SORCS2: variants seen among roughly 807,000 people sequenced by gnomAD.
The protein encoded by SORCS2 is sortilin related VPS10 domain containing receptor 2.
SORCS2 carries 100 observed loss-of-function variants against 141.6 expected under a neutral mutation model. That is an observed-to-expected ratio of 0.71 (90% confidence interval 0.60 to 0.83). The LOEUF is 0.83. SORCS2 is among the 40% of genes least tolerant of loss of function. The pLI is 0.00. For synonymous variants in SORCS2, 789 were observed against 676.9 expected (o/e 1.17, Z -2.57); for missense variants, 1,646 against 1,560.2 (o/e 1.05, Z -0.93).
At chr4:7,325,332 G>T in intron 1 of SORCS2, among the ~76,000 whole-genome samples, 1 of 152,168 alleles carries the variant, frequency 6.6e-6, no homozygotes, top group Non-Finnish European at 1.5e-5. Context: ...TTGCTTTGAG[G>T]TTTAAATTAA....
intron 2 of SORCS2, among the ~76,000 whole-genome samples, chr4:7,502,103 G>T (rs560647420): frequency 2.6e-5 from 4 of 152,322 alleles, no homozygotes; most frequent in Non-Finnish European, 5.9e-5. Flanking sequence ...TCTGTCACAG[G>T]GACACCCTGG....
At chr4:7,194,969 G>A (rs1420528686) in intron 1 of SORCS2, among the ~76,000 whole-genome samples, 1 of 152,034 alleles carries the variant, frequency 6.6e-6, no homozygotes, top group Admixed American at 6.6e-5. Context: ...CTGACATCCA[G>A]CCTGCCCCTG....
Position 7,278,942 on chromosome 4 carries a change from C to A in SORCS2, c.480+85816C>A, listed in dbSNP as rs138267855. 2.0e-3 allele frequency among the ~76,000 whole-genome samples: 297 copies of A among 152,292 alleles called. 8 individuals are homozygous for A. In the South Asian group the frequency reaches 0.036, roughly 18 times the overall value. The stretch of plus-strand genomic sequence containing the variant: ...TCCTACATTGGGCATCCAGAAAACC[C>A]CACAGGGCTGGCCACAGTCAGGAGG... On this transcript the variant is annotated intron_variant, in intron 1 of 26. Coordinates refer to ENST00000507866, the MANE Select transcript of SORCS2 (RefSeq NM_020777.3).
At chr4:7,295,678 A>G (rs1717000210) in intron 1 of SORCS2, among the ~76,000 whole-genome samples, 2 of 152,198 alleles carry the variant, frequency 1.3e-5, no homozygotes, top group African/African-American at 4.8e-5. Flanking sequence ...TACTGGTGTG[A>G]ACGGGACGGC....
intron 1 of SORCS2, among the ~76,000 whole-genome samples, chr4:7,344,310 G>A (rs1269040387): frequency 3.3e-5 from 5 of 152,224 alleles, no homozygotes; most frequent in African/African-American, 1.2e-4. Context: ...AGATGAGGAG[G>A]GTCACAGGTC....
chr4:7,586,424 A>G (rs559796873), intron 3 of SORCS2, among the ~76,000 whole-genome samples: 1 of 152,316 alleles, frequency 6.6e-6, no homozygotes, highest in Admixed American at 6.5e-5. Context: ...AGATGAACCC[A>G]TCACCCAGGT....
chr4:7,377,088 G>C (rs1203304292), intron 1 of SORCS2, among the ~76,000 whole-genome samples: 2 of 152,212 alleles, frequency 1.3e-5, no homozygotes, highest in African/African-American at 2.4e-5. Context: ...TGGAAGTATA[G>C]GGAGGACATG....
chr4:7,535,732 C>T (rs1013348939), intron 3 of SORCS2, among the ~76,000 whole-genome samples: 10 of 152,216 alleles, frequency 6.6e-5, no homozygotes, highest in Non-Finnish European at 8.8e-5. Flanking sequence ...AAGCCTCACA[C>T]GTGTGGCCCC....
intron 2 of SORCS2, among the ~76,000 whole-genome samples, chr4:7,435,382 T>A (rs1304200233): frequency 6.6e-6 from 1 of 152,208 alleles, no homozygotes; most frequent in East Asian, 1.9e-4. Flanking sequence ...TCCCAATGAC[T>A]GGCCACCCCC....
intron 1 of SORCS2, among the ~76,000 whole-genome samples, chr4:7,297,327 C>T (rs1717142160): frequency 6.6e-6 from 1 of 152,320 alleles, no homozygotes; most frequent in East Asian, 1.9e-4. Flanking sequence ...GAGCCACGCC[C>T]CCTTCTGCCT....
At chr4:7,637,502 C>G (rs1720340873) in intron 3 of SORCS2, among the ~76,000 whole-genome samples, 1 of 152,230 alleles carries the variant, frequency 6.6e-6, no homozygotes, top group African/African-American at 2.4e-5. Flanking sequence ...GATTCACGTT[C>G]ATGGCAGAGG....
chr4:7,705,636 C>T (rs998786667), intron 14 of SORCS2, among the ~76,000 whole-genome samples: 4 of 152,230 alleles, frequency 2.6e-5, no homozygotes, highest in African/African-American at 9.6e-5. Flanking sequence ...TGCTCTGTGG[C>T]AGGTGTGGAT....
chr4:7,300,118 C>T (rs1023316458), intron 1 of SORCS2, among the ~76,000 whole-genome samples: 17 of 152,300 alleles, frequency 1.1e-4, no homozygotes, highest in African/African-American at 3.8e-4. Flanking sequence ...CAGGCATCGT[C>T]CCACCCTTCG....
At chr4:7,251,688 C>G (rs1262220354) in intron 1 of SORCS2, among the ~76,000 whole-genome samples, 1 of 152,122 alleles carries the variant, frequency 6.6e-6, no homozygotes. Flanking sequence ...CGTCTGCATT[C>G]CAGGCAGGAA....
intron 1 of SORCS2, among the ~76,000 whole-genome samples, chr4:7,265,781 G>T (rs1251697236): frequency 6.6e-6 from 1 of 152,174 alleles, no homozygotes; most frequent in Non-Finnish European, 1.5e-5. Context: ...GGCCACGTTC[G>T]CAGGGGCAGG....
At chr4:7,263,631 G>A (rs368347969) in intron 1 of SORCS2, among the ~76,000 whole-genome samples, 3 of 152,208 alleles carry the variant, frequency 2.0e-5, no homozygotes, top group East Asian at 1.9e-4. Flanking sequence ...AGCTAAGCCC[G>A]TGGTCTCTGC....
At chr4:7,472,690 G>C (rs1730050934) in intron 2 of SORCS2, among the ~76,000 whole-genome samples, 1 of 152,180 alleles carries the variant, frequency 6.6e-6, no homozygotes, top group Non-Finnish European at 1.5e-5. Flanking sequence ...GCGGCAAGGG[G>C]ATCTGGTCAC....
At position 7,446,197 on chromosome 4, in the gene SORCS2, A is replaced by ATG. The variant is rs1727987232; in HGVS notation, c.548+49842_548+49843insTG. On this transcript the variant is annotated intron_variant, in intron 2 of 26. Transcript: ENST00000507866. ...GTAGGGAGGGGAGGGGAGGGGAGGG[A>ATG]AGAAAAGAACCTTATTTCCCAGCAG... is the stretch of plus-strand genomic sequence containing the variant. Among the ~76,000 whole-genome samples, 6 of 151,292 alleles carry ATG rather than the reference A, an allele frequency of 4.0e-5. No individual in the cohort carries two copies. In the South Asian group the frequency reaches 1.3e-3, roughly 32 times the overall value.
chr4:7,419,716 T>C (rs4689740), intron 2 of SORCS2, among the ~76,000 whole-genome samples: 75,587 of 151,674 alleles, frequency 0.5, 19,123 homozygotes, highest in Middle Eastern at 0.61. Flanking sequence ...CTCAGACAAA[T>C]AGGCCTCTCT....
Sources: gnomAD v4.1 joint callset for allele counts (sites outside exome capture counted in the v4.1 genomes callset) on GRCh38, gnomAD v4.1.1 for gene constraint, MANE v1.5 for transcripts, NCBI Gene and HGNC (gene_info 2026-07-23, HGNC 2026-07-21) for gene names.